FGFR3: variants seen among roughly 807,000 people sequenced by gnomAD.
FGFR3 encodes the protein fibroblast growth factor receptor 3.
FGFR3 carries 25 observed loss-of-function variants against 82.9 expected under a neutral mutation model. The ratio of observed to expected loss-of-function variants is 0.30; its 90% CI spans 0.22 to 0.42. The LOEUF is 0.42. Among genes scored for constraint, FGFR3 ranks in the 10% least tolerant of loss-of-function variants. The pLI is 1.00. For missense variants in FGFR3, 1,026 were observed against 1,161.0 expected, an observed-to-expected ratio of 0.88 and a Z score of 1.69; for synonymous variants, 620 against 516.0, an observed-to-expected ratio of 1.20 and a Z score of -2.73.
Position 1,801,682 on chromosome 4 carries a change from C to T in FGFR3, c.678C>T (p.Tyr226=), listed in dbSNP as rs141575580. Residue 226 remains tyrosine (Y), a synonymous_variant, in exon 6 of 18, where the codon TAC becomes TAT. Coordinates refer to ENST00000440486, the MANE Select transcript of FGFR3 (RefSeq NM_000142.5). ...TGGTGCCCTCGGACCGCGGCAACTA[C>T]ACCTGCGTCGTGGAGAACAAGTTTG... ...ESVVPSDRGN[Y]TCVVENKFGS... is the part of the protein sequence containing the mutation. The T allele has an allele frequency of 1.4e-3, 2,178 of 1,611,276 alleles. 8 individuals carry two copies. The highest frequency in any genetic ancestry group is 2.2e-3 in the Admixed American group (131 of 59,884).
At chr4:1,800,179 G>A (rs1366776527) in intron 4 of FGFR3, among the ~76,000 whole-genome samples, 1 of 152,094 alleles carries the variant, frequency 6.6e-6, no homozygotes, top group African/African-American at 2.4e-5. Flanking sequence ...TCAGGTGGCT[G>A]CCGTGGGGTG....
At position 1,801,991 on chromosome 4, in the gene FGFR3, G is replaced by C. The variant is rs2108784847; in HGVS notation, c.896G>C (p.Gly299Ala). 6.2e-7 allele frequency: 1 copy of C among 1,612,504 alleles called. No homozygotes were observed. Among genetic ancestry groups the C allele is most frequent in the Non-Finnish European group, 8.5e-7 (1 of 1,179,800 alleles). The change falls in exon 7 of 18, where the codon GGC becomes GCC. Residue 299 changes from glycine to alanine, a missense_variant. This residue lies in a region of FGFR3 where 147 missense variants were observed against 228.1 expected (regional missense o/e 0.64). Coordinates refer to ENST00000440486, the MANE Select transcript of FGFR3 (RefSeq NM_000142.5). The part of the protein sequence containing the change: ...KHVEVNGSKV[G>A]PDGTPYVTVL... ...GTGGAGGTGAATGGCAGCAAGGTGGGCCCGGACGGCACACCCTACGTTACC... is the reference window on the plus strand; with the variant it reads ...GTGGAGGTGAATGGCAGCAAGGTGGCCCCGGACGGCACACCCTACGTTACC...
intron 7 of FGFR3, chr4:1,802,764 C>T (rs1721352235): frequency 1.4e-5 from 14 of 986,682 alleles, no homozygotes; most frequent in Non-Finnish European, 2.0e-5. Flanking sequence ...ACCACAGCCA[C>T]CGTGAAGTGC....
At position 1,794,028 on chromosome 4, in the gene FGFR3, G is replaced by T. The variant is rs754103775; in HGVS notation, c.94G>T (p.Val32Leu). Residue 32 changes from valine (V) to leucine (L), a missense_variant, in exon 2 of 18, where the codon GTG becomes TTG. Around this residue, in one of 9 missense-constraint regions of FGFR3, gnomAD observed 226 missense variants for 222.0 expected, o/e 1.02. Coordinates refer to ENST00000440486, the MANE Select transcript of FGFR3 (RefSeq NM_000142.5). Reference protein sequence around the residue: ...SESLGTEQRVVGRAAEVPGPE... With the variant: ...SESLGTEQRVLGRAAEVPGPE... ...GTCCTTGGGGACGGAGCAGCGCGTC[G>T]TGGGGCGAGCGGCAGGTAAGAAGGG... is the stretch of plus-strand genomic sequence containing the variant. 1 of 1,412,682 alleles carries T rather than the reference G, an allele frequency of 7.1e-7. No individual in the cohort carries two copies. The highest frequency in any genetic ancestry group is 1.6e-5 in the South Asian group (1 of 63,796). The allele number at this position is 1,412,682 out of a possible 1,614,324, so 87.5% of individuals were successfully genotyped here. A position where few individuals can be genotyped will look rare whatever the true frequency, so the allele number is the denominator to read the frequency against.
chr4:1,794,535 C>A (rs1560386732), intron 2 of FGFR3, among the ~76,000 whole-genome samples: 1 of 152,206 alleles, frequency 6.6e-6, no homozygotes, highest in Non-Finnish European at 1.5e-5. Flanking sequence ...GAGGCAGCAG[C>A]CTCCAGCGTC....
In FGFR3 at chr4:1,802,043, C is replaced by T. The variant is rs537025612; in HGVS notation, c.930+18C>T. On this transcript the variant is annotated intron_variant, in intron 7 of 17. Coordinates refer to ENST00000440486, the MANE Select transcript of FGFR3 (RefSeq NM_000142.5). Reference sequence around the variant, plus strand: ...TGCTCAAGGTGGGCCACCGTGTGCACGTGGGTGCCGCCGCTGGGGCTCCTG... The same window carrying T: ...TGCTCAAGGTGGGCCACCGTGTGCATGTGGGTGCCGCCGCTGGGGCTCCTG... 115 of 1,604,876 alleles carry T rather than the reference C, an allele frequency of 7.2e-5. 1 individual carries two copies. The highest frequency in any genetic ancestry group is 1.7e-4 in the Middle Eastern group (1 of 6,036).
At chr4:1,795,731 G>A (rs1720431369) in intron 2 of FGFR3, among the ~76,000 whole-genome samples, 1 of 152,208 alleles carries the variant, frequency 6.6e-6, no homozygotes, top group African/African-American at 2.4e-5. Context: ...GGGACCTGGA[G>A]TGACCCCCCA....
rs3135877 is a variant in FGFR3 at position 1,802,549 on chromosome 4, G to A, written c.930+524G>A. Among the ~76,000 whole-genome samples the A allele has an allele frequency of 0.082, 12,508 of 152,310 alleles. 625 individuals are homozygous for A. Among genetic ancestry groups the A allele is most frequent in the African/African-American group, 0.13 (5,270 of 41,550 alleles). ...ACTCAAAGCCCAAAGAGAAACATCT[G>A]TTCAGAGAGAAGACGGTCTCTTGGG... is the stretch of plus-strand genomic sequence containing the variant. On this transcript the variant is annotated intron_variant, in intron 7 of 17. Transcript: ENST00000440486.
At chr4:1,799,899 T>G in intron 4 of FGFR3, 87 bp downstream of exon 4, 6 of 1,483,372 alleles carry the variant, frequency 4.0e-6, no homozygotes, top group Non-Finnish European at 5.6e-6. Flanking sequence ...GCTGAGGGAC[T>G]AAGGCCCCGG....
At position 1,806,093 on chromosome 4, in the gene FGFR3, G is replaced by A. The variant is rs200849753; in HGVS notation, c.1879G>A (p.Glu627Lys). 1.2e-4 allele frequency: 200 copies of A among 1,613,550 alleles called. No homozygotes were observed. Among genetic ancestry groups the A allele is most frequent in the Admixed American group, 2.5e-4 (15 of 59,988 alleles). The change falls in exon 14 of 18, where the codon GAG (glutamate) becomes AAG (lysine). Residue 627 changes from glutamate to lysine, a missense_variant. By Grantham distance (56) the Glu-to-Lys change is moderately conservative. Transcript: ENST00000440486. ...DLAARNVLVTEDNVMKIADFG... is the reference protein window; with the variant it reads ...DLAARNVLVTKDNVMKIADFG... ...GGCTGCCCGCAATGTGCTGGTGACC[G>A]AGGACAACGTGATGAAGATCGCAGA...
chr4:1,801,290 G>C, intron 4 of FGFR3, 77 bp from the exon 5 acceptor site: 1 of 1,475,184 alleles, frequency 6.8e-7, no homozygotes, highest in Non-Finnish European at 9.2e-7. Flanking sequence ...GGCAGGGGCA[G>C]CTCTGGGAAG....
At chr4:1,802,283 G>T (rs1187022821) in intron 7 of FGFR3, among the ~76,000 whole-genome samples, 1 of 152,228 alleles carries the variant, frequency 6.6e-6, no homozygotes, top group East Asian at 1.9e-4. Flanking sequence ...CTGCCCACGG[G>T]CTTCTTGGGG....
At chr4:1,802,110 G>T in intron 7 of FGFR3, 85 bp downstream of exon 7, 1 of 1,456,324 alleles carries the variant, frequency 6.9e-7, no homozygotes, top group Non-Finnish European at 9.4e-7. Context: ...GTTGCGTGAG[G>T]ATTTGGGTCT....
chr4:1,798,189 G>A (rs1160016242), intron 2 of FGFR3, among the ~76,000 whole-genome samples: 2 of 152,072 alleles, frequency 1.3e-5, no homozygotes, highest in Non-Finnish European at 2.9e-5. Flanking sequence ...GGACCCAGGG[G>A]CCACCTGCAC....
At chr4:1,797,978 C>T (rs542730697) in intron 2 of FGFR3, among the ~76,000 whole-genome samples, 14 of 152,240 alleles carry the variant, frequency 9.2e-5, no homozygotes, top group East Asian at 5.8e-4. Context: ...TGGCGCAACC[C>T]GCCCAGCTGG....
chr4:1,794,522 G>A (rs1383542848), intron 2 of FGFR3, among the ~76,000 whole-genome samples: 6 of 152,160 alleles, frequency 3.9e-5, no homozygotes, highest in Admixed American at 6.5e-5. Context: ...CTGCCCGCCC[G>A]AAGAGGCAGC....
In FGFR3 at chr4:1,804,877, C is replaced by T. The variant is rs190111780; in HGVS notation, c.1320C>T (p.Ile440=). Reference sequence around the variant, plus strand: ...GCTCCAACACACCACTGGTGCGCATCGCAAGGCTGTCCTCAGGGGAGGGCC... The same window carrying T: ...GCTCCAACACACCACTGGTGCGCATTGCAAGGCTGTCCTCAGGGGAGGGCC... ...SMSSNTPLVR[I]ARLSSGEGPT... is the part of the protein sequence containing the mutation. Residue 440 remains isoleucine (I), a synonymous_variant, in exon 10 of 18, where the codon ATC becomes ATT. Coordinates refer to ENST00000440486, the MANE Select transcript of FGFR3 (RefSeq NM_000142.5). 75 of 1,550,198 alleles carry T rather than the reference C, an allele frequency of 4.8e-5. No individual in the cohort carries two copies. Among genetic ancestry groups the T allele is most frequent in the African/African-American group, 3.0e-4 (22 of 73,152 alleles).
In FGFR3 at chr4:1,806,870, A is replaced by G. The variant is rs536212792; in HGVS notation, c.2210A>G (p.Gln737Arg). The change falls in exon 17 of 18, where the codon CAG (glutamine) becomes CGG (arginine). Residue 737 changes from glutamine to arginine, a missense_variant. Physicochemically the swap from Gln to Arg is conservative, Grantham distance 43. This residue lies in a region of FGFR3 where 155 missense variants were observed against 150.2 expected (regional missense o/e 1.03). Coordinates refer to ENST00000440486, the MANE Select transcript of FGFR3 (RefSeq NM_000142.5). ...GAGTGCTGGCATGCCGCGCCCTCCCAGAGGCCCACCTTCAAGCAGCTGGTG... is the reference window on the plus strand; with the variant it reads ...GAGTGCTGGCATGCCGCGCCCTCCCGGAGGCCCACCTTCAAGCAGCTGGTG... The part of the protein sequence containing the change: ...MRECWHAAPS[Q>R]RPTFKQLVED... The G allele has an allele frequency of 6.2e-7, 1 of 1,611,694 alleles. No individual in the cohort carries two copies. The highest frequency in any genetic ancestry group is 1.7e-5 in the Admixed American group (1 of 59,930).
At chr4:1,803,003 C>T (rs776922453) in intron 7 of FGFR3, 1 of 1,601,140 alleles carries the variant, frequency 6.2e-7, no homozygotes, top group Non-Finnish European at 8.5e-7. Context: ...TCTGTCGAGC[C>T]ACCAATTTCA....
Sources: gnomAD v4.1 joint callset for allele counts (sites outside exome capture counted in the v4.1 genomes callset) on GRCh38, gnomAD v4.1.1 for gene constraint, gnomAD v4.1.1 regional missense constraint, MANE v1.5 for transcripts, NCBI Gene and HGNC (gene_info 2026-07-23, HGNC 2026-07-21) for gene names.